Variants in ANKS1B observed in about 807,000 individuals in gnomAD.
The protein encoded by ANKS1B is ankyrin repeat and sterile alpha motif domain containing 1B.
Under a neutral mutation model 148.3 loss-of-function variants are expected in ANKS1B, and 36 were observed. The observed-to-expected ratio is 0.24, with a 90% CI of 0.19 to 0.32. The LOEUF is 0.32. ANKS1B is among the 10% of genes least tolerant of loss of function. The probability of loss-of-function intolerance (pLI) is 1.00; values close to 1 mark genes in which losing one functional copy is unlikely to be tolerated. For missense variants in ANKS1B, 1,157 were observed against 1,542.6 expected (o/e 0.75, Z 4.19); for synonymous variants, 542 against 560.8 (o/e 0.97, Z 0.47).
chr12:99,367,126 A>C (rs2092810539), intron 12 of ANKS1B, among the ~76,000 whole-genome samples: 1 of 152,142 alleles, frequency 6.6e-6, no homozygotes, highest in Non-Finnish European at 1.5e-5. Flanking sequence ...ATTGCCAAAA[A>C]ACGTGGGGAG....
chr12:99,004,398 TA>T (rs1397786647), intron 17 of ANKS1B, among the ~76,000 whole-genome samples: 1 of 152,134 alleles, frequency 6.6e-6, no homozygotes, highest in Non-Finnish European at 1.5e-5. Context: ...CTAAATGAGA[TA>T]ATATACGTAA....
intron 1 of ANKS1B, among the ~76,000 whole-genome samples, chr12:99,922,472 C>T (rs11110128): frequency 0.063 from 9,565 of 152,148 alleles, 343 homozygotes; most frequent in Middle Eastern, 0.16. Flanking sequence ...GGAAAGTCAA[C>T]AGATTGATAC....
intron 17 of ANKS1B, among the ~76,000 whole-genome samples, chr12:99,046,822 A>G (rs1017173606): frequency 3.2e-4 from 49 of 151,590 alleles, no homozygotes; most frequent in Non-Finnish European, 5.7e-4. Flanking sequence ...AAAAAGAAAA[A>G]AAAAAGAAAA....
chr12:99,121,767 A>G (rs1333430154), intron 15 of ANKS1B, among the ~76,000 whole-genome samples: 1 of 152,194 alleles, frequency 6.6e-6, no homozygotes, highest in East Asian at 1.9e-4. Flanking sequence ...TGTTCCCTTC[A>G]TGGAGATGCT....
chr12:99,715,378 G>A (rs866260969), intron 8 of ANKS1B, among the ~76,000 whole-genome samples: 12 of 152,010 alleles, frequency 7.9e-5, no homozygotes, highest in Non-Finnish European at 1.3e-4. Context: ...CTCCCCTACT[G>A]AGCACCTTGT....
intron 14 of ANKS1B, among the ~76,000 whole-genome samples, chr12:99,177,577 T>C (rs1201630489): frequency 6.6e-6 from 1 of 152,210 alleles, no homozygotes; most frequent in African/African-American, 2.4e-5. Context: ...ACACAAGCTT[T>C]TGCTTAAAAC....
At chr12:98,737,424 A>G (rs2097779005) in intron 9 of ANKS1B, among the ~76,000 whole-genome samples, 1 of 152,172 alleles carries the variant, frequency 6.6e-6, no homozygotes, top group African/African-American at 2.4e-5. Context: ...GCCCTCTCCT[A>G]GCATTCTCTT....
At chr12:99,199,754 T>C (rs751165663) in intron 14 of ANKS1B, among the ~76,000 whole-genome samples, 1 of 152,192 alleles carries the variant, frequency 6.6e-6, no homozygotes, top group Non-Finnish European at 1.5e-5. Flanking sequence ...AGAAAAGCTA[T>C]CTGCCATCCT....
intron 12 of ANKS1B, among the ~76,000 whole-genome samples, chr12:99,335,707 C>T (rs2088681811): frequency 6.6e-6 from 1 of 152,034 alleles, no homozygotes; most frequent in Non-Finnish European, 1.5e-5. Flanking sequence ...AATAGTACTC[C>T]ATTGTGTATA....
intron 17 of ANKS1B, among the ~76,000 whole-genome samples, chr12:99,024,950 C>G (rs917063075): frequency 6.6e-6 from 1 of 152,152 alleles, no homozygotes; most frequent in Non-Finnish European, 1.5e-5. Context: ...CCCTCCCTCA[C>G]GCTTCCTGTC....
intron 9 of ANKS1B, among the ~76,000 whole-genome samples, chr12:99,588,265 T>C (rs2153233115): frequency 6.6e-6 from 1 of 152,292 alleles, no homozygotes; most frequent in South Asian, 2.1e-4. Context: ...TAAATTCACT[T>C]GATTTATACC....
intron 12 of ANKS1B, among the ~76,000 whole-genome samples, chr12:99,253,590 A>G (rs774839474): frequency 1.3e-5 from 2 of 152,202 alleles, no homozygotes; most frequent in Non-Finnish European, 2.9e-5. Flanking sequence ...TTTAGGAATA[A>G]AATAAATAAT....
In ANKS1B at chr12:98,786,707, A is replaced by G. The variant is rs190477561; in HGVS notation, c.3343-4570T>C. On this transcript the variant is annotated intron_variant, in intron 22 of 26. Coordinates refer to ENST00000683438, the MANE Select transcript of ANKS1B (RefSeq NM_001352186.2). ...AGCAGAGGGGTTTATGATGGGGAGC[A>G]CTTCAGTTGTGAGCTGTAATGCTCT... Among the ~76,000 whole-genome samples, 299 of 152,330 alleles carry G rather than the reference A, an allele frequency of 2.0e-3. 1 individual carries two copies. The highest frequency in any genetic ancestry group is 6.9e-3 in the African/African-American group (286 of 41,574).
intron 17 of ANKS1B, among the ~76,000 whole-genome samples, chr12:98,932,635 G>A (rs2099814709): frequency 1.3e-5 from 2 of 152,140 alleles, no homozygotes; most frequent in African/African-American, 4.8e-5. Flanking sequence ...TCAAATGGAA[G>A]CAGTCTCATG....
chr12:99,784,518 G>T (rs2064786352), intron 4 of ANKS1B, among the ~76,000 whole-genome samples: 2 of 152,066 alleles, frequency 1.3e-5, no homozygotes, highest in Admixed American at 1.3e-4. Context: ...TCCACAGGGG[G>T]TCTCCAAGGC....
At chr12:99,223,312 G>C (rs1826374) in intron 14 of ANKS1B, among the ~76,000 whole-genome samples, 38,158 of 152,062 alleles carry the variant, frequency 0.25, 4,964 homozygotes, top group African/African-American at 0.28. Flanking sequence ...CCAGGGTGGA[G>C]GATAGTTTTG....
At chr12:99,643,289 C>G (rs2098328273) in intron 9 of ANKS1B, among the ~76,000 whole-genome samples, 1 of 152,084 alleles carries the variant, frequency 6.6e-6, no homozygotes, top group African/African-American at 2.4e-5. Context: ...TCATATAAAT[C>G]AAGCATGAGT....
chr12:99,824,512 A>T (rs369160043), intron 2 of ANKS1B, among the ~76,000 whole-genome samples: 5 of 152,276 alleles, frequency 3.3e-5, no homozygotes, highest in African/African-American at 1.2e-4. Flanking sequence ...AAAAAAAAAA[A>T]AAGTGAAATG....
At chr12:98,934,686 T>C (rs527402123) in intron 17 of ANKS1B, among the ~76,000 whole-genome samples, 3 of 152,206 alleles carry the variant, frequency 2.0e-5, no homozygotes, top group South Asian at 2.1e-4. Context: ...AACTTCTTAG[T>C]TGAGTTTATT....
Sources: allele counts gnomAD v4.1 joint callset (sites outside exome capture counted in the v4.1 genomes callset), GRCh38; gene constraint gnomAD v4.1.1; transcripts MANE v1.5; gene names NCBI Gene and HGNC (gene_info 2026-07-23, HGNC 2026-07-21).